VPS9D1: variants seen among roughly 807,000 people sequenced by gnomAD.
VPS9D1 encodes the protein VPS9 domain containing 1, also known as VPS9 domain-containing protein 1.
In VPS9D1, 78 loss-of-function variants were observed where a neutral mutation model predicts 75.8. The observed-to-expected ratio is 1.03, with a 90% CI of 0.86 to 1.24. VPS9D1 has a LOEUF of 1.24. Ranked by LOEUF, VPS9D1 falls within the 50% of genes most tolerant of loss-of-function variation. The pLI is 0.00. For synonymous variants in VPS9D1, 481 were observed against 385.6 expected (o/e 1.25, Z -2.90); for missense variants, 1,057 against 847.7 (o/e 1.25, Z -3.07).
intron 13 of VPS9D1, 70 bp from the exon 14 acceptor site, chr16:89,708,601 G>A: frequency 6.7e-7 from 1 of 1,496,314 alleles, no homozygotes. Flanking sequence ...AGCAGCTGTG[G>A]AGCCATCCTG....
rs759510263 is a variant in VPS9D1, at chr16:89,712,593, G to C, written c.543+12C>G. ...CCCACGCACCCCCAGGCCCTCCCTA[G>C]CCCCCACTCACCAGGGATGTCTTCT... On this transcript the variant is annotated intron_variant, in intron 5 of 14. Transcript: ENST00000389386. The C allele has an allele frequency of 6.2e-7, 1 of 1,609,154 alleles. No individual in the cohort carries two copies. The highest frequency in any genetic ancestry group is 8.5e-7 in the Non-Finnish European group (1 of 1,178,462).
chr16:89,707,551 C>T lies in VPS9D1; in HGVS notation c.*310G>A. On this transcript the variant is annotated 3_prime_UTR_variant, in exon 15 of 15. Transcript: ENST00000389386. ...CAGATGTTCATCGCTGAGCCTGCACCCACCGAAGCCCAAAGCTTCCCTTCT... is the reference window on the plus strand; with the variant it reads ...CAGATGTTCATCGCTGAGCCTGCACTCACCGAAGCCCAAAGCTTCCCTTCT... 3.2e-6 allele frequency: 1 copy of T among 317,190 alleles called. No individual in the cohort carries two copies. The highest frequency in any genetic ancestry group is 4.5e-5 in the Admixed American group (1 of 22,090). The allele number at this position is 317,190 out of a possible 1,614,324, so 19.6% of individuals were successfully genotyped here.
At chr16:89,716,971 C>T (rs1660965771) in intron 2 of VPS9D1, 149 bp from the exon 3 acceptor site, 1 of 604,246 alleles carries the variant, frequency 1.7e-6, no homozygotes, top group African/African-American at 2.5e-5. Context: ...CCCCCCCATC[C>T]CCTCACTGAC....
intron 4 of VPS9D1, among the ~76,000 whole-genome samples, chr16:89,714,421 T>A (rs2061013881): frequency 6.6e-6 from 1 of 152,166 alleles, no homozygotes; most frequent in African/African-American, 2.4e-5. Context: ...AAGTGTCCTG[T>A]CTCCTTTATA....
At position 89,720,839 on chromosome 16, in the gene VPS9D1, C is replaced by A. The variant is rs1011100710; in HGVS notation, c.23G>T (p.Gly8Val). Reference sequence around the variant, plus strand: ...GGCGCTCTGCAGCGGCTTCACCGTGCCGTCCCCGGCCGCAGCGGCCATGGC... The same window carrying A: ...GGCGCTCTGCAGCGGCTTCACCGTGACGTCCCCGGCCGCAGCGGCCATGGC... MAAAAGD[G>V]TVKPLQSAMK... is the part of the protein sequence containing the mutation. Residue 8 changes from glycine (G) to valine (V), a missense_variant, in exon 1 of 15, where the codon GGC becomes GTC. Coordinates refer to ENST00000389386, the MANE Select transcript of VPS9D1 (RefSeq NM_004913.3). The A allele has an allele frequency of 2.1e-6, 3 of 1,426,464 alleles. No homozygotes were observed. Among genetic ancestry groups the A allele is most frequent in the Non-Finnish European group, 2.8e-6 (3 of 1,084,142 alleles). 88.4% of individuals were successfully genotyped at this position (1,426,464 alleles called of 1,614,324 possible).
chr16:89,719,641 C>T (rs531397994), intron 1 of VPS9D1, among the ~76,000 whole-genome samples: 1 of 152,312 alleles, frequency 6.6e-6, no homozygotes, highest in African/African-American at 2.4e-5. Context: ...CCAGTGCACA[C>T]AGGAGCCTAG....
intron 10 of VPS9D1, 136 bp downstream of exon 10, chr16:89,710,450 G>A: frequency 1.1e-6 from 1 of 941,234 alleles, no homozygotes; most frequent in Non-Finnish European, 1.5e-6. Context: ...GAGAAGGGCT[G>A]AGGCGTGAGC....
chr16:89,719,899 A>G (rs1185168979), intron 1 of VPS9D1, among the ~76,000 whole-genome samples: 2 of 152,134 alleles, frequency 1.3e-5, no homozygotes, highest in African/African-American at 4.8e-5. Context: ...TTGTATTTTT[A>G]GTAGAGACGG....
intron 2 of VPS9D1, chr16:89,718,131 CCT>C (rs768194319): frequency 1.1e-5 from 5 of 447,706 alleles, no homozygotes; most frequent in African/African-American, 8.0e-5. Flanking sequence ...CGGCTGCTGG[CCT>C]CTCAAACTTA....
rs1450142983 is a variant in VPS9D1 at position 89,710,676 on chromosome 16, A to T, written c.1168T>A (p.Ser390Thr). The change falls in exon 10 of 15, where the codon TCT (serine) becomes ACT (threonine). Residue 390 changes from serine (S) to threonine (T), a missense_variant. Physicochemically the swap from Ser to Thr is moderately conservative, Grantham distance 58. Coordinates refer to ENST00000389386, the MANE Select transcript of VPS9D1 (RefSeq NM_004913.3). ...CCACGGCCCCGGCCCTGCCGCTCAG[A>T]CGTCCCCAGGAACTGCTCCAGGTCC... The part of the protein sequence containing the change: ...FEDLEQFLGT[S>T]ERQGRGRGVQ... 1 of 1,611,770 alleles carries T rather than the reference A, an allele frequency of 6.2e-7. No individual in the cohort carries two copies. The highest frequency in any genetic ancestry group is 2.2e-5 in the East Asian group (1 of 44,844).
intron 12 of VPS9D1, 34 bp from the exon 13 acceptor site, chr16:89,708,990 C>T (rs1418980698): frequency 2.6e-6 from 4 of 1,556,892 alleles, no homozygotes; most frequent in African/African-American, 1.4e-5. Flanking sequence ...GGGCAGTTAA[C>T]CCCGTCCAGC....
chr16:89,711,259 C>T, intron 9 of VPS9D1, 68 bp downstream of exon 9: 2 of 1,499,282 alleles, frequency 1.3e-6, no homozygotes, highest in Non-Finnish European at 1.8e-6. Flanking sequence ...CTCTCCGGCA[C>T]CTGGCACCAG....
At chr16:89,719,348 C>T in intron 1 of VPS9D1, 1 of 589,630 alleles carries the variant, frequency 1.7e-6, no homozygotes, top group African/African-American at 1.9e-5. Flanking sequence ...AGAGAGAGAG[C>T]CAGGGACGAG....
intron 1 of VPS9D1, chr16:89,720,437 A>G (rs2151649145): frequency 2.9e-6 from 3 of 1,049,046 alleles, no homozygotes; most frequent in Middle Eastern, 4.4e-4. Context: ...GCACGAACGC[A>G]CGGACCTGCC....
At chr16:89,708,278 G>A in intron 14 of VPS9D1, 149 bp downstream of exon 14, 1 of 762,622 alleles carries the variant, frequency 1.3e-6, no homozygotes, top group Admixed American at 2.4e-5. Context: ...ACTCTGCACA[G>A]GTGGACCCAC....
intron 4 of VPS9D1, among the ~76,000 whole-genome samples, chr16:89,714,289 T>C (rs1361281945): frequency 6.6e-6 from 1 of 152,006 alleles, no homozygotes; most frequent in African/African-American, 2.4e-5. Context: ...TAGCGTATTT[T>C]ATGTGTGGCC....
intron 4 of VPS9D1, 79 bp from the exon 5 acceptor site, chr16:89,712,795 C>A: frequency 7.7e-7 from 1 of 1,292,186 alleles, no homozygotes. Context: ...CTCTCATCCT[C>A]CCGGATTGCT....
intron 11 of VPS9D1, 68 bp downstream of exon 11, chr16:89,709,709 C>T: frequency 6.2e-7 from 1 of 1,607,254 alleles, no homozygotes; most frequent in Non-Finnish European, 8.5e-7. Context: ...GGGAGCAGGG[C>T]AGGCCTCCTG....
At chr16:89,720,354 A>T in intron 1 of VPS9D1, 1 of 922,594 alleles carries the variant, frequency 1.1e-6, no homozygotes, top group Non-Finnish European at 1.3e-6. Flanking sequence ...ACAAATGAGC[A>T]GGTATGTGGC....
Sources: allele counts gnomAD v4.1 joint callset (sites outside exome capture counted in the v4.1 genomes callset), GRCh38; gene constraint gnomAD v4.1.1; transcripts MANE v1.5; gene names NCBI Gene and HGNC (gene_info 2026-07-23, HGNC 2026-07-21).